COL18A1: variants seen among roughly 807,000 people sequenced by gnomAD.
The protein encoded by COL18A1 is collagen type XVIII alpha 1 chain.
COL18A1 carries 133 observed loss-of-function variants against 168.0 expected under a neutral mutation model. That is an observed-to-expected ratio of 0.79 (90% CI 0.69 to 0.91). The LOEUF (loss-of-function observed/expected upper bound fraction) is 0.91, where lower values mean the gene tolerates loss of function less well. COL18A1 is among the 40% of genes least tolerant of loss of function. The probability of loss-of-function intolerance (pLI) is 0.00; values close to 1 mark genes in which losing one functional copy is unlikely to be tolerated. For synonymous variants in COL18A1, 949 were observed against 809.0 expected, an observed-to-expected ratio of 1.17 and a Z score of -2.94; for missense variants, 2,126 against 1,925.4, an observed-to-expected ratio of 1.10 and a Z score of -1.95.
chr21:45,442,782 C>G (rs371954609), intron 2 of COL18A1, among the ~76,000 whole-genome samples: 444 of 43,398 alleles, frequency 0.01, 1 homozygote, highest in Middle Eastern at 0.047. Flanking sequence ...GGGCGGCGGT[C>G]CTGGTGTGGG....
At chr21:45,442,833 G>A (rs527257585) in intron 2 of COL18A1, among the ~76,000 whole-genome samples, 1 of 146,812 alleles carries the variant, frequency 6.8e-6, no homozygotes, top group East Asian at 2.0e-4. Flanking sequence ...TGGTGTGGGC[G>A]GCGGTCCTGG....
In COL18A1 at chr21:45,468,288, C is replaced by T; in HGVS notation, c.153C>T (p.Pro51=). Residue 51 remains proline (P), a synonymous_variant, in exon 3 of 42, where the codon CCC becomes CCT. Transcript: ENST00000651438. ...EVGLLQLLGD[P]PPQQVTQTDD... ...GGCTGCTGCAGCTCCTTGGGGACCC[C>T]CCGCCCCAGCAGGTCACCCAGACGG... 1.2e-6 allele frequency: 2 copies of T among 1,613,252 alleles called. No homozygotes were observed. Among genetic ancestry groups the T allele is most frequent in the Non-Finnish European group, 1.7e-6 (2 of 1,180,040 alleles).
At chr21:45,410,023 G>A (rs2033241011) in intron 2 of COL18A1, 2 of 152,332 alleles carry the variant, frequency 1.3e-5, no homozygotes, top group Admixed American at 6.5e-5. Flanking sequence ...TTTTGATCAC[G>A]GATGCGCTGA....
At chr21:45,468,878 G>C (rs115584714) in intron 3 of COL18A1, 92 bp downstream of exon 3, 2 of 1,310,608 alleles carry the variant, frequency 1.5e-6, no homozygotes, top group Non-Finnish European at 2.1e-6. Flanking sequence ...AGCTGTGGCC[G>C]GAAGAGGAGA....
At chr21:45,426,929 C>T (rs147710116) in intron 2 of COL18A1, among the ~76,000 whole-genome samples, 48 of 152,266 alleles carry the variant, frequency 3.2e-4, no homozygotes, top group East Asian at 2.1e-3. Context: ...GGAGGGGATG[C>T]GGGGGTGCCG....
rs372722421 is a variant in COL18A1, at chr21:45,505,303, G to A, written c.3013+25G>A. 1.1e-4 allele frequency: 178 copies of A among 1,604,490 alleles called. 1 individual carries two copies. In the African/African-American group the frequency reaches 1.2e-3, roughly 11 times the overall value. The stretch of plus-strand genomic sequence containing the variant: ...AGTAAGTCAGTGGGGAGTGGGCCCC[G>A]GGCAGAGGCCGCCTCGTGTGGCTTC... On this transcript the variant is annotated intron_variant, in intron 35 of 41. Transcript: ENST00000651438.
At chr21:45,424,123 C>G (rs2033710329) in intron 2 of COL18A1, 1 of 152,278 alleles carries the variant, frequency 6.6e-6, no homozygotes, top group Non-Finnish European at 1.5e-5. Flanking sequence ...TTAAGGAGGC[C>G]TCATGTCGGG....
At chr21:45,497,289 C>T (rs1327966797) in intron 31 of COL18A1, among the ~76,000 whole-genome samples, 197 bp downstream of exon 31, 4 of 152,236 alleles carry the variant, frequency 2.6e-5, no homozygotes, top group African/African-American at 9.6e-5. Flanking sequence ...AGGACCTGAC[C>T]TTGGGGTGGC....
intron 37 of COL18A1, 170 bp downstream of exon 37, chr21:45,506,136 C>A: frequency 1.9e-6 from 2 of 1,062,118 alleles, no homozygotes; most frequent in Non-Finnish European, 2.8e-6. Flanking sequence ...CTTTTGTGAG[C>A]AGTTTTGGGT....
intron 15 of COL18A1, 83 bp from the exon 16 acceptor site, chr21:45,486,778 C>A: frequency 1.4e-6 from 2 of 1,441,714 alleles, no homozygotes; most frequent in Non-Finnish European, 1.9e-6. Flanking sequence ...TAGAAAGCAT[C>A]ATAAGAAAAC....
chr21:45,497,647 C>A lies in COL18A1; in HGVS notation c.2669C>A (p.Pro890His). The change falls in exon 32 of 42, where the codon CCC (proline) becomes CAC (histidine). Residue 890 changes from proline to histidine, a missense_variant. By Grantham distance (77) the Pro-to-His change is moderately conservative. Transcript: ENST00000651438. The stretch of plus-strand genomic sequence containing the variant: ...AAGGGCGCCAAAGGAGAAGTGGGCC[C>A]CCCCGGACCACCAGGTGAGCAACTC... ...GPKGAKGEVGPPGPPGQFPFD... is the reference protein window; with the variant it reads ...GPKGAKGEVGHPGPPGQFPFD... 1.3e-6 allele frequency: 2 copies of A among 1,568,202 alleles called. No individual in the cohort carries two copies. Among genetic ancestry groups the A allele is most frequent in the Non-Finnish European group, 1.7e-6 (2 of 1,156,980 alleles).
intron 2 of COL18A1, among the ~76,000 whole-genome samples, chr21:45,437,595 CACACACTCAG>C (rs2034190142): frequency 1.0e-4 from 8 of 79,968 alleles, no homozygotes; most frequent in Admixed American, 2.3e-4. Flanking sequence ...CACACACACT[CACACACTCAG>C]ACACACAGGC....
At chr21:45,479,468 TACAC>T (rs1195643129) in intron 9 of COL18A1, among the ~76,000 whole-genome samples, 9 of 151,960 alleles carry the variant, frequency 5.9e-5, no homozygotes, top group East Asian at 1.9e-4. Flanking sequence ...CACACGTGGA[TACAC>T]ACATACACAT....
In COL18A1 at chr21:45,443,423, T is replaced by G. The variant is rs2034435005; in HGVS notation, c.107-24819T>G. Among the ~76,000 whole-genome samples, 1 of 152,102 alleles carries G rather than the reference T, an allele frequency of 6.6e-6. No homozygotes were observed. The highest frequency in any genetic ancestry group is 2.4e-5 in the African/African-American group (1 of 41,402). On this transcript the variant is annotated intron_variant, in intron 2 of 41. Transcript: ENST00000651438. The surrounding 1 kb of genome is among the most constrained non-coding windows in gnomAD (Gnocchi z 5.2). ...ACCAGCTTGAAAGGCCGCCCGTGCC[T>G]TTCCTCCTTGGCCCTCACAGCCCAG...
rs2035520613 is a variant in COL18A1 at position 45,473,422 on chromosome 21, AGGTG to A, written c.652-472_652-469del. Among the ~76,000 whole-genome samples, 1 of 152,202 alleles carries A rather than the reference AGGTG, an allele frequency of 6.6e-6. No homozygotes were observed. Among genetic ancestry groups the A allele is most frequent in the Admixed American group, 6.5e-5 (1 of 15,292 alleles). The stretch of plus-strand genomic sequence containing the variant: ...CTTCTGGGTTTTGTTTTTGATGAAA[AGGTG>A]AAGTTCAAAGAAAGCAAAGCCATGG... On this transcript the variant is annotated intron_variant, in intron 3 of 41. Transcript: ENST00000651438. This position sits in a 1 kb window ranked among gnomAD's most constrained non-coding sequence, Gnocchi z 4.0.
chr21:45,498,459 C>T lies in COL18A1; in HGVS notation c.2683+798C>T. 4.3e-6 allele frequency: 3 copies of T among 701,612 alleles called. No individual in the cohort carries two copies. The South Asian group carries it at 4.5e-5, about 10-fold the overall frequency. The allele number at this position is 701,612 out of a possible 1,614,324, so 43.5% of individuals were successfully genotyped here. A position where few individuals can be genotyped will look rare whatever the true frequency, so the allele number is the denominator to read the frequency against. Reference sequence around the variant, plus strand: ...CTCTCGCCGCCAGGGTCCCCTCTCGCCGCCACGGTCCCCGCTCGCCGCCAG... The same window carrying T: ...CTCTCGCCGCCAGGGTCCCCTCTCGTCGCCACGGTCCCCGCTCGCCGCCAG... On this transcript the variant is annotated intron_variant, in intron 32 of 41. Coordinates refer to ENST00000651438, the MANE Select transcript of COL18A1 (RefSeq NM_001379500.1). This position sits in a 1 kb window ranked among gnomAD's most constrained non-coding sequence, Gnocchi z 4.5.
chr21:45,494,670 G>T, intron 27 of COL18A1, 99 bp downstream of exon 27: 5 of 1,550,802 alleles, frequency 3.2e-6, no homozygotes, highest in Non-Finnish European at 4.4e-6. Flanking sequence ...TGCGGCCCAG[G>T]GCTCATCTCC....
intron 40 of COL18A1, among the ~76,000 whole-genome samples, 170 bp from the exon 41 acceptor site, chr21:45,510,941 A>ACC (rs2037543627): frequency 3.6e-5 from 1 of 27,630 alleles, no homozygotes; most frequent in Non-Finnish European, 5.8e-5. Flanking sequence ...CCAAAAAAAC[A>ACC]CACACCCACA....
intron 2 of COL18A1, chr21:45,456,728 G>T: frequency 6.5e-7 from 1 of 1,534,094 alleles, no homozygotes; most frequent in South Asian, 1.2e-5. Flanking sequence ...ATGCGGCAGC[G>T]TCCCGCCGCC....
Sources: allele counts gnomAD v4.1 joint callset (sites outside exome capture counted in the v4.1 genomes callset), GRCh38; gene constraint gnomAD v4.1.1; non-coding constraint Gnocchi (gnomAD v3.1); transcripts MANE v1.5; gene names NCBI Gene and HGNC (gene_info 2026-07-23, HGNC 2026-07-21).